The following ASPRV1 variants were observed in gnomAD, a reference collection of about 807,000 sequenced individuals.
The protein encoded by ASPRV1 is aspartic peptidase retroviral like 1.
In ASPRV1, 7 loss-of-function variants were observed where a neutral mutation model predicts 11.0. That is an observed-to-expected ratio of 0.64 (90% CI 0.36 to 1.20). The LOEUF is 1.20. Ranked by LOEUF, ASPRV1 falls within the 50% of genes most tolerant of loss-of-function variation. The pLI, the probability that ASPRV1 is intolerant of heterozygous loss-of-function variation, is 0.02. For synonymous variants in ASPRV1, 136 were observed against 138.4 expected (o/e 0.98, Z 0.12); for missense variants, 299 against 320.0 (o/e 0.93, Z 0.50).
chr2:69,988,010 G>A, the ASPRV1 span, among the ~76,000 whole-genome samples: 1 of 152,236 alleles, frequency 6.6e-6, no homozygotes, highest in Non-Finnish European at 1.5e-5. Flanking sequence ...TAAAACCCCT[G>A]CCACAATGGG....
chr2:69,980,049 T>C, the ASPRV1 span, among the ~76,000 whole-genome samples: 1 of 152,214 alleles, frequency 6.6e-6, no homozygotes, highest in East Asian at 1.9e-4. Flanking sequence ...AGCCTCATTG[T>C]CGCTGGGTTC....
the ASPRV1 span, among the ~76,000 whole-genome samples, chr2:70,047,441 T>C: frequency 6.6e-6 from 1 of 152,214 alleles, no homozygotes; most frequent in Non-Finnish European, 1.5e-5. Context: ...AATGCCACCA[T>C]GAAACTGCCC....
At chr2:69,946,118 T>G in the ASPRV1 span, among the ~76,000 whole-genome samples, 2 of 152,004 alleles carry the variant, frequency 1.3e-5, no homozygotes, top group African/African-American at 4.8e-5. Flanking sequence ...AGAACCAGTA[T>G]CTGTTTAGTT....
the ASPRV1 span, among the ~76,000 whole-genome samples, chr2:70,036,406 T>C: frequency 1.3e-5 from 2 of 151,544 alleles, no homozygotes; most frequent in East Asian, 3.9e-4. Flanking sequence ...AATACAAGTA[T>C]GAAATAATAA....
the ASPRV1 span, chr2:70,049,456 G>A: frequency 6.6e-6 from 1 of 151,994 alleles, no homozygotes; most frequent in Non-Finnish European, 1.5e-5. Flanking sequence ...TTGAGTCAGA[G>A]GCAAGAAACT....
At chr2:70,066,898 C>T in the ASPRV1 span, among the ~76,000 whole-genome samples, 4 of 152,076 alleles carry the variant, frequency 2.6e-5, no homozygotes, top group African/African-American at 9.7e-5. Flanking sequence ...CCCATTCTTC[C>T]ATTTTATGAA....
At chr2:70,041,300 T>C in the ASPRV1 span, among the ~76,000 whole-genome samples, 1 of 152,252 alleles carries the variant, frequency 6.6e-6, no homozygotes, top group Non-Finnish European at 1.5e-5. Context: ...TTTCCCCAGC[T>C]GTGCTGGTTG....
chr2:70,051,312 G>C, the ASPRV1 span: 1 of 152,152 alleles, frequency 6.6e-6, no homozygotes, highest in Middle Eastern at 3.2e-3. Flanking sequence ...TCACCTGTCA[G>C]ATGAGGAAGA....
the ASPRV1 span, among the ~76,000 whole-genome samples, chr2:69,979,792 T>C: frequency 6.6e-6 from 1 of 152,198 alleles, no homozygotes; most frequent in Non-Finnish European, 1.5e-5. Flanking sequence ...TTCAGGAGCG[T>C]TTCCTGCCAC....
At chr2:69,948,818 G>A in the ASPRV1 span, among the ~76,000 whole-genome samples, 1 of 152,046 alleles carries the variant, frequency 6.6e-6, no homozygotes, top group South Asian at 2.1e-4. Context: ...TCCCGCGAAT[G>A]CCGTCCGGCT....
At chr2:70,049,881 T>C in the ASPRV1 span, 2 of 152,230 alleles carry the variant, frequency 1.3e-5, no homozygotes, top group East Asian at 1.9e-4. Flanking sequence ...GAGAAAGTGA[T>C]ATTCAAAATA....
At chr2:70,047,593 A>G in the ASPRV1 span, among the ~76,000 whole-genome samples, 1 of 152,220 alleles carries the variant, frequency 6.6e-6, no homozygotes, top group Non-Finnish European at 1.5e-5. Context: ...CAACTACCAG[A>G]GGCAGCTGGG....
the ASPRV1 span, among the ~76,000 whole-genome samples, chr2:70,022,909 G>A: frequency 6.6e-6 from 1 of 152,012 alleles, no homozygotes; most frequent in Non-Finnish European, 1.5e-5. Flanking sequence ...AGGGTCCTGA[G>A]ACCAAAACTG....
chr2:70,041,575 C>T, the ASPRV1 span, among the ~76,000 whole-genome samples: 20 of 152,168 alleles, frequency 1.3e-4, no homozygotes, highest in Non-Finnish European at 2.1e-4. Context: ...TGAGCTACAT[C>T]CCATCTGGCA....
At chr2:70,057,363 C>T in the ASPRV1 span, among the ~76,000 whole-genome samples, 2 of 152,162 alleles carry the variant, frequency 1.3e-5, no homozygotes, top group Non-Finnish European at 2.9e-5. Flanking sequence ...ACCATAAATA[C>T]AATTTTGCAC....
At chr2:69,939,143 T>TCC in the ASPRV1 span, 1 of 150,850 alleles carries the variant, frequency 6.6e-6, no homozygotes, top group African/African-American at 2.5e-5. Flanking sequence ...TTATCCTTTT[T>TCC]TCCCCCCCCA....
chr2:70,041,354 T>C, the ASPRV1 span, among the ~76,000 whole-genome samples: 1 of 152,236 alleles, frequency 6.6e-6, no homozygotes, highest in Non-Finnish European at 1.5e-5. Context: ...CTTTGGTTAC[T>C]AGCTAAGCCA....
At chr2:69,988,600 T>C in the ASPRV1 span, 1 of 336,532 alleles carries the variant, frequency 3.0e-6, no homozygotes, top group South Asian at 2.3e-5. Flanking sequence ...TGAAGATGAA[T>C]GGTGTTGATG....
At chr2:70,043,334 C>T in the ASPRV1 span, among the ~76,000 whole-genome samples, 1 of 152,104 alleles carries the variant, frequency 6.6e-6, no homozygotes, top group Non-Finnish European at 1.5e-5. Context: ...AGGAAAATCA[C>T]TTGAACCCAG....
Sources: gnomAD v4.1 joint callset for allele counts (sites outside exome capture counted in the v4.1 genomes callset) on GRCh38, gnomAD v4.1.1 for gene constraint, MANE v1.5 for transcripts, NCBI Gene and HGNC (gene_info 2026-07-23, HGNC 2026-07-21) for gene names.